The following ZNF536 variants were observed in gnomAD, a reference collection of about 807,000 sequenced individuals.
ZNF536 encodes zinc finger protein 536.
A neutral mutation model predicts 84.5 loss-of-function variants in ZNF536; 13 were observed. That is an observed-to-expected ratio of 0.15 (90% CI 0.10 to 0.24). The LOEUF is 0.24. ZNF536 is among the 10% of genes least tolerant of loss of function. ZNF536 has a pLI of 1.00. For missense variants in ZNF536, 1,536 were observed against 1,747.5 expected, an observed-to-expected ratio of 0.88 and a Z score of 2.16; for synonymous variants, 811 against 742.5, an observed-to-expected ratio of 1.09 and a Z score of -1.50.
chr19:30,539,546 A>T (rs1430500148), intron 3 of ZNF536, among the ~76,000 whole-genome samples: 1 of 152,180 alleles, frequency 6.6e-6, no homozygotes, highest in Non-Finnish European at 1.5e-5. Flanking sequence ...ACAGAAATAC[A>T]TCAGCAAACA....
chr19:30,415,595 G>GTCATCATCA (rs35189422), intron 1 of ZNF536, among the ~76,000 whole-genome samples: 2 of 150,118 alleles, frequency 1.3e-5, no homozygotes, highest in Non-Finnish European at 1.5e-5. Flanking sequence ...CATCGTCATC[G>GTCATCATCA]TCATCATCAT....
intron 2 of ZNF536, among the ~76,000 whole-genome samples, chr19:30,528,838 TAC>T (rs1252046490): frequency 6.6e-6 from 1 of 151,926 alleles, no homozygotes; most frequent in Non-Finnish European, 1.5e-5. Flanking sequence ...CCGTCCTTTT[TAC>T]AGTCATTTCT....
intron 1 of ZNF536, among the ~76,000 whole-genome samples, chr19:30,272,833 T>C (rs1488827648): frequency 1.3e-5 from 2 of 152,254 alleles, no homozygotes; most frequent in Non-Finnish European, 2.9e-5. Context: ...TCTTGGTTGC[T>C]TCCAAGTTTG....
chr19:30,682,250 C>G (rs1455203581), intron 1 of ZNF536, among the ~76,000 whole-genome samples: 1 of 152,134 alleles, frequency 6.6e-6, no homozygotes, highest in African/African-American at 2.4e-5. Flanking sequence ...ACAGCCTGTC[C>G]TCAGTAACCC....
chr19:30,476,212 A>C (rs1207583257), intron 2 of ZNF536, among the ~76,000 whole-genome samples: 1 of 152,020 alleles, frequency 6.6e-6, no homozygotes, highest in African/African-American at 2.4e-5. Context: ...CCCAGTCATC[A>C]TCCACTCCCC....
chr19:30,668,081 T>C (rs1011377041), intron 1 of ZNF536, among the ~76,000 whole-genome samples: 1 of 152,208 alleles, frequency 6.6e-6, no homozygotes, highest in Non-Finnish European at 1.5e-5. Flanking sequence ...TCAGAAGTGC[T>C]AACTGCTCCA....
intron 2 of ZNF536, among the ~76,000 whole-genome samples, chr19:30,304,840 G>T (rs529190740): frequency 4.6e-4 from 70 of 152,320 alleles, no homozygotes; most frequent in Admixed American, 4.1e-3. Context: ...AATGATGGAC[G>T]GTGGACCAGC....
intron 1 of ZNF536, among the ~76,000 whole-genome samples, chr19:30,405,374 GC>G (rs373799808): frequency 2.0e-4 from 30 of 152,288 alleles, no homozygotes; most frequent in African/African-American, 6.7e-4. Flanking sequence ...GGAGTTATGA[GC>G]CAGGAACTGC....
intron 1 of ZNF536, among the ~76,000 whole-genome samples, chr19:30,383,668 CTTTCTTCCTTTCTTCCTTCCTTTCT>C (rs2049121211): frequency 2.5e-4 from 3 of 11,944 alleles, no homozygotes; most frequent in South Asian, 2.0e-3. Context: ...CTTTCTCTTT[CTTTCTTCCTTTCTTCCTTCCTTTCT>C]TTTCTTTCTC....
At chr19:30,292,043 G>T (rs538680067) in intron 2 of ZNF536, among the ~76,000 whole-genome samples, 2 of 152,256 alleles carry the variant, frequency 1.3e-5, no homozygotes, top group South Asian at 2.1e-4. Context: ...AGACTGTGTG[G>T]CCCGCAAAGC....
chr19:30,672,254 G>A (rs2147739497), intron 1 of ZNF536, among the ~76,000 whole-genome samples: 1 of 152,356 alleles, frequency 6.6e-6, no homozygotes, highest in South Asian at 2.1e-4. Context: ...TGTGTGTGCA[G>A]AGGGGCCATA....
At chr19:30,511,828 T>C (rs557310905) in intron 2 of ZNF536, among the ~76,000 whole-genome samples, 1 of 152,308 alleles carries the variant, frequency 6.6e-6, no homozygotes, top group Non-Finnish European at 1.5e-5. Context: ...ACAAGTTAAC[T>C]TGTGTCTAGT....
intron 1 of ZNF536, among the ~76,000 whole-genome samples, chr19:30,275,940 T>G (rs887026156): frequency 1.2e-4 from 18 of 152,248 alleles, no homozygotes; most frequent in Admixed American, 9.2e-4. Context: ...CAACCTGCAC[T>G]GAATCACCGG....
At chr19:30,339,214 C>T (rs529885524) in intron 2 of ZNF536, among the ~76,000 whole-genome samples, 20 of 152,250 alleles carry the variant, frequency 1.3e-4, no homozygotes, top group African/African-American at 4.1e-4. Context: ...GGAATCCGCA[C>T]GGAATTGTGC....
At chr19:30,459,790 T>C (rs2053048685) in intron 2 of ZNF536, among the ~76,000 whole-genome samples, 1 of 152,026 alleles carries the variant, frequency 6.6e-6, no homozygotes, top group South Asian at 2.1e-4. Flanking sequence ...TCGCTGGAGG[T>C]TGATTAGGGT....
intron 1 of ZNF536, among the ~76,000 whole-genome samples, chr19:30,237,938 A>G (rs1167931960): frequency 6.6e-6 from 1 of 152,200 alleles, no homozygotes; most frequent in Admixed American, 6.5e-5. Flanking sequence ...GCTCAGGACC[A>G]GTCAGATGGC....
intron 3 of ZNF536, among the ~76,000 whole-genome samples, chr19:30,359,867 C>A (rs1434117324): frequency 2.6e-5 from 4 of 152,210 alleles, no homozygotes; most frequent in Non-Finnish European, 5.9e-5. Flanking sequence ...TGGACAGGGG[C>A]AGTTGACCCA....
intron 1 of ZNF536, among the ~76,000 whole-genome samples, chr19:30,584,833 C>A (rs142150288): frequency 1.2e-4 from 18 of 152,304 alleles, no homozygotes; most frequent in African/African-American, 4.3e-4. Context: ...TGGTGGCTCA[C>A]GCCTGCAATC....
At chr19:30,343,672 T>G (rs1013091899) in intron 2 of ZNF536, among the ~76,000 whole-genome samples, 1 of 152,204 alleles carries the variant, frequency 6.6e-6, no homozygotes, top group Non-Finnish European at 1.5e-5. Context: ...TCCCATAGTT[T>G]CCACCTGATT....
Sources: allele counts gnomAD v4.1 joint callset (sites outside exome capture counted in the v4.1 genomes callset), GRCh38; gene constraint gnomAD v4.1.1; transcripts MANE v1.5; gene names NCBI Gene and HGNC (gene_info 2026-07-23, HGNC 2026-07-21).